CCDC33: variants seen among roughly 807,000 people sequenced by gnomAD.
CCDC33 encodes the protein coiled-coil domain containing 33, also known as coiled-coil domain-containing protein 33.
In CCDC33, 94 loss-of-function variants were observed where a neutral mutation model predicts 91.9. The ratio of observed to expected loss-of-function variants is 1.02; its 90% CI spans 0.87 to 1.21. CCDC33 has a LOEUF of 1.21. CCDC33 is among the 50% of genes most tolerant of loss of function. CCDC33 has a pLI of 0.00. For synonymous variants in CCDC33, 396 were observed against 374.5 expected (o/e 1.06, Z -0.66); for missense variants, 940 against 935.5 (o/e 1.00, Z -0.06).
rs764434857 is a variant in CCDC33 at position 74,244,187 on chromosome 15, G to A, written c.185+39G>A. On this transcript the variant is annotated intron_variant, in intron 2 of 18. Transcript: ENST00000398814. The surrounding 1 kb of genome is among the most constrained non-coding windows in gnomAD (Gnocchi z 4.2). ...TGAGAGTGGGGGCAGGGGATGGGTT[G>A]GGCTGTGAGCAGAAACCAGGGGACA... The A allele has an allele frequency of 1.9e-6, 3 of 1,583,514 alleles. No individual in the cohort carries two copies. The Admixed American group carries it at 5.3e-5, about 28-fold the overall frequency.
chr15:74,279,963 C>A lies in CCDC33; in HGVS notation c.760C>A (p.Leu254Met). 2.5e-6 allele frequency: 4 copies of A among 1,613,772 alleles called. No homozygotes were observed. Among genetic ancestry groups the A allele is most frequent in the Non-Finnish European group, 3.4e-6 (4 of 1,179,790 alleles). ...PRVSQNGCPQ[L>M]SKPGGPPEQP... Reference sequence around the variant, plus strand: ...ACCTGCTCCTACCCTCTCCCTCCAGCTGTCCAAGCCTGGGGGACCCCCAGA... The same window carrying A: ...ACCTGCTCCTACCCTCTCCCTCCAGATGTCCAAGCCTGGGGGACCCCCAGA... The change falls in exon 8 of 19, where the codon CTG becomes ATG. Residue 254 changes from leucine (L) to methionine (M), a missense_variant and splice_region_variant. Leu to Met is a conservative substitution (Grantham distance 15). Coordinates refer to ENST00000398814, the MANE Select transcript of CCDC33 (RefSeq NM_025055.5).
At chr15:74,279,597 G>T (rs1030569166) in intron 7 of CCDC33, among the ~76,000 whole-genome samples, 1 of 152,010 alleles carries the variant, frequency 6.6e-6, no homozygotes, top group African/African-American at 2.4e-5. Context: ...GTACAGTGGC[G>T]CAATCTCATC....
At chr15:74,208,798 A>T in intron 1 of CCDC33, 1 of 988,022 alleles carries the variant, frequency 1.0e-6, no homozygotes, top group Non-Finnish European at 1.2e-6. Context: ...GCTCCAGCCT[A>T]CCTCCAATCA....
At chr15:74,217,378 G>C in exon 1 of CCDC33, 1 of 1,290,026 alleles carries the variant, frequency 7.8e-7, no homozygotes, top group Non-Finnish European at 1.0e-6. Flanking sequence ...TTGAGCGTGG[G>C]GTTTAATGAG....
At chr15:74,208,740 C>T (rs1396933504) in intron 1 of CCDC33, 2 of 987,982 alleles carry the variant, frequency 2.0e-6, no homozygotes, top group Non-Finnish European at 2.4e-6. Context: ...CATGTGCCTT[C>T]TCGCTGTTCC....
intron 11 of CCDC33, among the ~76,000 whole-genome samples, chr15:74,308,354 G>GACACACACACACAC (rs5813758): frequency 0.07 from 9,877 of 141,832 alleles, 424 homozygotes; most frequent in East Asian, 0.16. Flanking sequence ...TGTGCAGACA[G>GACACACACACACAC]ACAGACACAC....
chr15:74,256,891 TTGGATGAAG>T (rs1490071026), intron 2 of CCDC33, among the ~76,000 whole-genome samples: 1 of 152,120 alleles, frequency 6.6e-6, no homozygotes, highest in Non-Finnish European at 1.5e-5. Flanking sequence ...ACCCACACTT[TTGGATGAAG>T]TGTGAGTAGT....
intron 3 of CCDC33, among the ~76,000 whole-genome samples, chr15:74,264,944 C>T (rs1410783096): frequency 6.6e-6 from 1 of 152,116 alleles, no homozygotes; most frequent in Admixed American, 6.5e-5. Flanking sequence ...ACTTCATATC[C>T]CTTACCTCAA....
intron 2 of CCDC33, among the ~76,000 whole-genome samples, chr15:74,228,926 C>A (rs1332689851): frequency 6.6e-6 from 1 of 152,106 alleles, no homozygotes; most frequent in Admixed American, 6.5e-5. Flanking sequence ...GGGTGGCGGG[C>A]GCTGAGCAGG....
chr15:74,305,941 CTT>C (rs1364537710), intron 11 of CCDC33, among the ~76,000 whole-genome samples: 1 of 152,194 alleles, frequency 6.6e-6, no homozygotes, highest in Non-Finnish European at 1.5e-5. Context: ...CTCCCCGCCT[CTT>C]GAGGCTTTTC....
chr15:74,256,214 C>T (rs1221424168), intron 2 of CCDC33, among the ~76,000 whole-genome samples: 5 of 152,304 alleles, frequency 3.3e-5, no homozygotes, highest in South Asian at 4.1e-4. Flanking sequence ...ACTAGGGTAT[C>T]GGAGCCCCTC....
intron 2 of CCDC33, among the ~76,000 whole-genome samples, chr15:74,261,290 C>G (rs555063031): frequency 6.6e-6 from 1 of 152,202 alleles, no homozygotes; most frequent in Non-Finnish European, 1.5e-5. Flanking sequence ...CAGGTCACAG[C>G]GTCACTTAAG....
intron 8 of CCDC33, 37 bp from the exon 9 acceptor site, chr15:74,280,631 G>A: frequency 1.4e-6 from 2 of 1,434,620 alleles, no homozygotes; most frequent in Non-Finnish European, 1.8e-6. Context: ...CGAGGTGGGG[G>A]CTTTGGCAGG....
intron 10 of CCDC33, among the ~76,000 whole-genome samples, chr15:74,286,239 G>A (rs1188935728): frequency 6.6e-6 from 1 of 151,950 alleles, no homozygotes; most frequent in East Asian, 1.9e-4. Flanking sequence ...GAGCAAGACT[G>A]TGTCTCAAAA....
At chr15:74,225,561 AC>A (rs747055241) in intron 2 of CCDC33, among the ~76,000 whole-genome samples, 8 of 151,278 alleles carry the variant, frequency 5.3e-5, no homozygotes, top group Non-Finnish European at 8.9e-5. Context: ...TGATAGATTC[AC>A]CCCGAGACAC....
At chr15:74,241,232 G>A (rs1257964515) in intron 1 of CCDC33, among the ~76,000 whole-genome samples, 4 of 152,170 alleles carry the variant, frequency 2.6e-5, no homozygotes, top group African/African-American at 9.7e-5. Flanking sequence ...AGAGGAAGGA[G>A]AGGGGGGCCT....
chr15:74,231,884 C>T (rs2074983038), upstream of CCDC33, among the ~76,000 whole-genome samples: 1 of 152,112 alleles, frequency 6.6e-6, no homozygotes, highest in Admixed American at 6.6e-5. Context: ...GGCGTGGTGG[C>T]ATGCCTATAA....
At position 74,335,986 on chromosome 15, in the gene CCDC33, G is replaced by A. The variant is rs371578500; in HGVS notation, c.2201G>A (p.Ser734Asn). 1.5e-5 allele frequency: 25 copies of A among 1,613,840 alleles called. No individual in the cohort carries two copies. The highest frequency in any genetic ancestry group is 5.0e-5 in the Admixed American group (3 of 60,002). The part of the protein sequence containing the change: ...QPSELEPLLP[S>N]SDSKLNKPLS... ...TCAGAGCTGGAGCCCCTGCTGCCCAGCTCAGACTCTAAGCTCAACAAGCCC... is the reference window on the plus strand; with the variant it reads ...TCAGAGCTGGAGCCCCTGCTGCCCAACTCAGACTCTAAGCTCAACAAGCCC... Residue 734 changes from serine (S) to asparagine (N), a missense_variant, in exon 19 of 19, where the codon AGC becomes AAC. Ser to Asn is a conservative substitution (Grantham distance 46). Coordinates refer to ENST00000398814, the MANE Select transcript of CCDC33 (RefSeq NM_025055.5).
intron 11 of CCDC33, among the ~76,000 whole-genome samples, chr15:74,313,325 C>T (rs1172816609): frequency 6.6e-6 from 1 of 152,096 alleles, no homozygotes; most frequent in African/African-American, 2.4e-5. Context: ...CAGCCAACAT[C>T]CCAGCCTACT....
Sources: allele counts gnomAD v4.1 joint callset (sites outside exome capture counted in the v4.1 genomes callset), GRCh38; gene constraint gnomAD v4.1.1; non-coding constraint Gnocchi (gnomAD v3.1); transcripts MANE v1.5; gene names NCBI Gene and HGNC (gene_info 2026-07-23, HGNC 2026-07-21).